The following LGR4 variants were observed in gnomAD, a reference collection of about 807,000 sequenced individuals.
The protein encoded by LGR4 is leucine-rich repeat-containing G protein-coupled receptor 4.
Under a neutral mutation model 84.8 loss-of-function variants are expected in LGR4, and 44 were observed. The ratio of observed to expected loss-of-function variants is 0.52; its 90% confidence interval spans 0.41 to 0.67. The LOEUF (loss-of-function observed/expected upper bound fraction) is 0.67. Among genes scored for constraint, LGR4 ranks in the 30% least tolerant of loss-of-function variants. The pLI is 0.00. For synonymous variants in LGR4, 429 were observed against 434.3 expected, an observed-to-expected ratio of 0.99 and a Z score of 0.15; for missense variants, 1,032 against 1,131.4, an observed-to-expected ratio of 0.91 and a Z score of 1.26.
chr11:27,403,783 C>T (rs1174691189), intron 2 of LGR4, among the ~76,000 whole-genome samples: 3 of 152,148 alleles, frequency 2.0e-5, no homozygotes, highest in African/African-American at 4.8e-5. Flanking sequence ...ACAGTATCCA[C>T]TTATTTTTGT....
At chr11:27,435,243 G>A (rs1864188090) in intron 1 of LGR4, among the ~76,000 whole-genome samples, 1 of 151,798 alleles carries the variant, frequency 6.6e-6, no homozygotes, top group Non-Finnish European at 1.5e-5. Context: ...TGAGGAAGGA[G>A]AATAGCTTGA....
rs774568967 is a variant in LGR4 at position 27,380,986 on chromosome 11, G to A, written c.759-20C>T. On this transcript the variant is annotated intron_variant, in intron 7 of 17. Coordinates refer to ENST00000379214, the MANE Select transcript of LGR4 (RefSeq NM_018490.5). ...AATCCTCTAGAAAGATAGGAGAAAAGTATTTTGAAATGCATTATCCTCTTG... is the reference window on the plus strand; with the variant it reads ...AATCCTCTAGAAAGATAGGAGAAAAATATTTTGAAATGCATTATCCTCTTG... 13 of 1,375,802 alleles carry A rather than the reference G, an allele frequency of 9.4e-6. No individual in the cohort carries two copies. The Admixed American group carries it at 2.1e-4, about 22-fold the overall frequency. The allele number at this position is 1,375,802 out of a possible 1,614,324, so 85.2% of individuals were successfully genotyped here.
rs1281406422 is a variant in LGR4 at position 27,472,453 on chromosome 11, T to A, written c.-151A>T. ...CGCGCGGGCTCGGCCCCTTCAGCAG[T>A]CCGCCGCAGCGGCGCAGGGACGCGG... On this transcript the variant is annotated 5_prime_UTR_variant, in exon 1 of 18. Transcript: ENST00000379214. The A allele has an allele frequency of 2.1e-6, 1 of 474,618 alleles. No individual in the cohort carries two copies. Among genetic ancestry groups the A allele is most frequent in the East Asian group, 3.7e-5 (1 of 26,850 alleles). 29.4% of individuals were successfully genotyped at this position (474,618 alleles called of 1,614,324 possible).
At chr11:27,388,105 G>C (rs1451755413) in intron 4 of LGR4, among the ~76,000 whole-genome samples, 1 of 152,162 alleles carries the variant, frequency 6.6e-6, no homozygotes, top group Non-Finnish European at 1.5e-5. Flanking sequence ...AAAAAATTGT[G>C]AAGTCACATA....
intron 2 of LGR4, among the ~76,000 whole-genome samples, chr11:27,396,333 A>G (rs1323643702): frequency 6.6e-6 from 1 of 152,106 alleles, no homozygotes; most frequent in Non-Finnish European, 1.5e-5. Context: ...TAGTAAGGAG[A>G]GACTATGCAT....
At chr11:27,372,028 C>A (rs1175330024) in intron 16 of LGR4, among the ~76,000 whole-genome samples, 1 of 152,100 alleles carries the variant, frequency 6.6e-6, no homozygotes, top group Non-Finnish European at 1.5e-5. Flanking sequence ...CTACACTCAG[C>A]TAGTTTTAAA....
At chr11:27,434,909 A>T (rs1390633456) in intron 1 of LGR4, among the ~76,000 whole-genome samples, 1 of 152,222 alleles carries the variant, frequency 6.6e-6, no homozygotes, top group East Asian at 1.9e-4. Flanking sequence ...TGGCCCCTTA[A>T]AGTGACTAAT....
At chr11:27,431,467 T>C (rs1864115550) in intron 1 of LGR4, among the ~76,000 whole-genome samples, 1 of 152,178 alleles carries the variant, frequency 6.6e-6, no homozygotes, top group Non-Finnish European at 1.5e-5. Flanking sequence ...GCCCAACACC[T>C]AACATACTAT....
At chr11:27,377,650 T>C (rs965122210) in intron 11 of LGR4, among the ~76,000 whole-genome samples, 2 of 152,162 alleles carry the variant, frequency 1.3e-5, no homozygotes, top group Non-Finnish European at 2.9e-5. Context: ...AAATAACTTA[T>C]ATGTTCTTTT....
intron 6 of LGR4, among the ~76,000 whole-genome samples, chr11:27,383,470 G>T (rs1863134948): frequency 6.6e-6 from 1 of 152,274 alleles, no homozygotes; most frequent in South Asian, 2.1e-4. Context: ...TCTGAGTTTG[G>T]AACTATCCTC....
intron 2 of LGR4, among the ~76,000 whole-genome samples, chr11:27,410,286 G>A (rs1863686010): frequency 6.6e-6 from 1 of 152,112 alleles, no homozygotes; most frequent in South Asian, 2.1e-4. Flanking sequence ...ATAAGGAAAT[G>A]TGTAAGTATC....
chr11:27,407,299 G>A (rs1371147951), intron 2 of LGR4, among the ~76,000 whole-genome samples: 1 of 152,100 alleles, frequency 6.6e-6, no homozygotes, highest in African/African-American at 2.4e-5. Flanking sequence ...ATAGTGACTG[G>A]ATGGTCCCTT....
rs1373971110 is a variant in LGR4 at position 27,377,518 on chromosome 11, T to C, written c.1044-295A>G. On this transcript the variant is annotated intron_variant, in intron 11 of 17. Coordinates refer to ENST00000379214, the MANE Select transcript of LGR4 (RefSeq NM_018490.5). ...AGTACATAACATAAATATATAAAAT[T>C]AAATAGGCAAATATAGAAAAATATA... 2.6e-5 allele frequency among the ~76,000 whole-genome samples: 4 copies of C among 151,528 alleles called. No homozygotes were observed. In the South Asian group the frequency reaches 6.2e-4, roughly 24 times the overall value.
At chr11:27,418,400 A>G (rs1189320949) in intron 1 of LGR4, among the ~76,000 whole-genome samples, 1 of 152,202 alleles carries the variant, frequency 6.6e-6, no homozygotes. Flanking sequence ...AATCCAACCA[A>G]GTGTCACAAT....
rs996640734 is a variant in LGR4, at chr11:27,374,346, T to C, written c.1182-300A>G. ...ATTCAAACATATAAATGATATGATA[T>C]AACCTTTGGTACTGCTAACTCAGTG... On this transcript the variant is annotated intron_variant, in intron 13 of 17. Coordinates refer to ENST00000379214, the MANE Select transcript of LGR4 (RefSeq NM_018490.5). 2.6e-5 allele frequency among the ~76,000 whole-genome samples: 4 copies of C among 152,204 alleles called. No homozygotes were observed. The South Asian group carries it at 6.2e-4, about 24-fold the overall frequency.
intron 1 of LGR4, among the ~76,000 whole-genome samples, chr11:27,420,532 G>A (rs574486201): frequency 6.6e-6 from 1 of 152,096 alleles, no homozygotes; most frequent in East Asian, 1.9e-4. Context: ...CAGGTACAAA[G>A]GGCAGATATT....
In LGR4 at chr11:27,472,166, T is replaced by C; in HGVS notation, c.137A>G (p.Lys46Arg). The C allele has an allele frequency of 7.6e-7, 1 of 1,324,338 alleles. No individual in the cohort carries two copies. The highest frequency in any genetic ancestry group is 9.7e-7 in the Non-Finnish European group (1 of 1,034,446). 82.0% of individuals were successfully genotyped at this position (1,324,338 alleles called of 1,614,324 possible). The change falls in exon 1 of 18, where the codon AAG (lysine) becomes AGG (arginine). Residue 46 changes from lysine (K) to arginine (R), a missense_variant. Lys to Arg is a conservative substitution (Grantham distance 26). Transcript: ENST00000379214. Reference sequence around the variant, plus strand: ...CCCCTCGGGCACGGCCGTCAGCCCCTTCCCGGAGCAGTCCACCCGACGGTC... The same window carrying C: ...CCCCTCGGGCACGGCCGTCAGCCCCCTCCCGGAGCAGTCCACCCGACGGTC... ...DGDRRVDCSGKGLTAVPEGLS... is the reference protein window; with the variant it reads ...DGDRRVDCSGRGLTAVPEGLS...
intron 10 of LGR4, 23 bp from the exon 11 acceptor site, chr11:27,378,791 T>C: frequency 1.3e-6 from 2 of 1,557,694 alleles, no homozygotes; most frequent in Non-Finnish European, 1.8e-6. Context: ...ATTATTCATG[T>C]AAGAAATAAT....
At chr11:27,378,830 TC>T in intron 10 of LGR4, 62 bp from the exon 11 acceptor site, 1 of 1,139,852 alleles carries the variant, frequency 8.8e-7, no homozygotes, top group Non-Finnish European at 1.3e-6. Flanking sequence ...CAAAATTTAT[TC>T]CCATATAGAA....
Sources: allele counts gnomAD v4.1 joint callset (sites outside exome capture counted in the v4.1 genomes callset), GRCh38; gene constraint gnomAD v4.1.1; transcripts MANE v1.5; gene names NCBI Gene and HGNC (gene_info 2026-07-23, HGNC 2026-07-21).